Variants in ACOXL observed in about 807,000 individuals in gnomAD.
ACOXL encodes acyl-coenzyme A oxidase-like protein.
A neutral mutation model predicts 71.9 loss-of-function variants in ACOXL; 70 were observed. The observed-to-expected ratio is 0.97, with a 90% confidence interval of 0.80 to 1.19. ACOXL has a LOEUF of 1.19. ACOXL is among the 50% of genes most tolerant of loss of function. The pLI is 0.00. For missense variants in ACOXL, 703 were observed against 736.3 expected (o/e 0.95, Z 0.52); for synonymous variants, 253 against 281.6 (o/e 0.90, Z 1.02).
At position 110,768,268 on chromosome 2, in the gene ACOXL, A is replaced by G. The variant is rs1283679884; in HGVS notation, c.-22-100A>G. On this transcript the variant is annotated intron_variant, in intron 1 of 17. Coordinates refer to ENST00000439055, the MANE Select transcript of ACOXL (RefSeq NM_001142807.4). ...TGCACAGTATCAAACAAGCATTACA[A>G]TGGACACAGCTTTTCTGTCTGAGCC... 5 of 884,720 alleles carry G rather than the reference A, an allele frequency of 5.7e-6. No homozygotes were observed. In the Admixed American group the frequency reaches 5.9e-5, roughly 10 times the overall value. 54.8% of individuals were successfully genotyped at this position (884,720 alleles called of 1,614,324 possible). A position where few individuals can be genotyped will look rare whatever the true frequency, so the allele number is the denominator to read the frequency against.
Position 110,888,842 on chromosome 2 carries a change from A to G in ACOXL, c.789-19947A>G, listed in dbSNP as rs17041611. Among the ~76,000 whole-genome samples, 429 of 152,324 alleles carry G rather than the reference A, an allele frequency of 2.8e-3. 1 individual carries two copies. Among genetic ancestry groups the G allele is most frequent in the Middle Eastern group, 0.014 (4 of 294 alleles). ...AGATTCAAATTATAATGGAACTTGAAAGAAGTTTTTAGTGTCTGGGGTAAA... is the reference window on the plus strand; with the variant it reads ...AGATTCAAATTATAATGGAACTTGAGAGAAGTTTTTAGTGTCTGGGGTAAA... On this transcript the variant is annotated intron_variant, in intron 10 of 17. Transcript: ENST00000439055.
intron 11 of ACOXL, among the ~76,000 whole-genome samples, chr2:110,931,666 T>A (rs2060484078): frequency 6.6e-6 from 1 of 152,198 alleles, no homozygotes; most frequent in South Asian, 2.1e-4. Flanking sequence ...CCAACAACTC[T>A]ATGAAATAGG....
In ACOXL at chr2:110,940,424, G is replaced by A. The variant is rs527712746; in HGVS notation, c.1059+6782G>A. On this transcript the variant is annotated intron_variant, in intron 12 of 17. Coordinates refer to ENST00000439055, the MANE Select transcript of ACOXL (RefSeq NM_001142807.4). ...GTTGAGACCAAAATATGATCATTTAGTTTTCACTGGAATGTTATTAATTTG... is the reference window on the plus strand; with the variant it reads ...GTTGAGACCAAAATATGATCATTTAATTTTCACTGGAATGTTATTAATTTG... Among the ~76,000 whole-genome samples the A allele has an allele frequency of 3.3e-5, 5 of 152,286 alleles. No homozygotes were observed. In the South Asian group the frequency reaches 1.0e-3, roughly 32 times the overall value.
intron 14 of ACOXL, among the ~76,000 whole-genome samples, chr2:111,015,137 A>G (rs1240161459): frequency 6.6e-6 from 1 of 152,232 alleles, no homozygotes; most frequent in Non-Finnish European, 1.5e-5. Flanking sequence ...CCAAAAGTGA[A>G]CATTTTTCTT....
At chr2:110,933,692 A>G in intron 12 of ACOXL, 50 bp downstream of exon 12, 1 of 1,561,114 alleles carries the variant, frequency 6.4e-7, no homozygotes, top group South Asian at 1.2e-5. Context: ...TACAACCCAC[A>G]CTGGGGGAGC....
intron 12 of ACOXL, among the ~76,000 whole-genome samples, chr2:110,937,391 G>A (rs1453779090): frequency 6.6e-6 from 1 of 152,066 alleles, no homozygotes; most frequent in Non-Finnish European, 1.5e-5. Flanking sequence ...CTATCACTCA[G>A]GAAATAAAAA....
At chr2:110,889,578 A>G (rs747563091) in intron 10 of ACOXL, among the ~76,000 whole-genome samples, 3 of 152,192 alleles carry the variant, frequency 2.0e-5, no homozygotes, top group Non-Finnish European at 4.4e-5. Flanking sequence ...TTTCATTTTA[A>G]TAAAATCATA....
rs530792806 is a variant in ACOXL, at chr2:110,780,730, G to T, written c.76-4002G>T. Among the ~76,000 whole-genome samples, 327 of 152,238 alleles carry T rather than the reference G, an allele frequency of 2.1e-3. 4 individuals are homozygous for T. Among genetic ancestry groups the T allele is most frequent in the Non-Finnish European group, 1.4e-3 (98 of 68,012 alleles). On this transcript the variant is annotated intron_variant, in intron 2 of 17. Transcript: ENST00000439055. Reference sequence around the variant, plus strand: ...AGAACAAGCCAAACTAGTGGATGGTGATACAAAAAGAAGTGTTAGGCTGGG... The same window carrying T: ...AGAACAAGCCAAACTAGTGGATGGTTATACAAAAAGAAGTGTTAGGCTGGG...
chr2:110,933,356 C>T, intron 11 of ACOXL, 133 bp from the exon 12 acceptor site: 1 of 1,119,652 alleles, frequency 8.9e-7, no homozygotes, highest in Non-Finnish European at 1.2e-6. Context: ...TGACTATCTA[C>T]AGTTTAAAAT....
chr2:110,798,459 T>C (rs1342735740), intron 5 of ACOXL, 151 bp from the exon 6 acceptor site: 2 of 568,860 alleles, frequency 3.5e-6, no homozygotes, highest in Non-Finnish European at 6.4e-6. Context: ...GGTTTCACCA[T>C]GTTAGCCAGG....
At chr2:110,734,599 C>T (rs895102836) in intron 1 of ACOXL, among the ~76,000 whole-genome samples, 5 of 152,066 alleles carry the variant, frequency 3.3e-5, no homozygotes. Flanking sequence ...TGAACGGCTG[C>T]TTTAAGTCAT....
intron 16 of ACOXL, 49 bp from the exon 17 acceptor site, chr2:111,092,816 C>G (rs2068601405): frequency 7.6e-7 from 1 of 1,312,512 alleles, no homozygotes; most frequent in Non-Finnish European, 1.1e-6. Flanking sequence ...TTTGTGTTTT[C>G]TAATATATTG....
At chr2:110,865,514 A>G (rs904400417) in intron 10 of ACOXL, among the ~76,000 whole-genome samples, 5 of 152,346 alleles carry the variant, frequency 3.3e-5, no homozygotes, top group African/African-American at 7.2e-5. Flanking sequence ...TTTCAAGCCA[A>G]TGAGAAGCAG....
chr2:110,896,668 A>C (rs2059021808), intron 10 of ACOXL, among the ~76,000 whole-genome samples: 1 of 152,214 alleles, frequency 6.6e-6, no homozygotes, highest in African/African-American at 2.4e-5. Flanking sequence ...GGGTCAATCC[A>C]TCAAGAAGAT....
intron 17 of ACOXL, chr2:111,100,952 TTCAG>T (rs1324444396): frequency 6.5e-6 from 1 of 152,796 alleles, no homozygotes; most frequent in Non-Finnish European, 1.5e-5. Flanking sequence ...TTAGTTTCAG[TTCAG>T]TCAATCAAAC....
chr2:110,987,820 A>G (rs2062996839), intron 13 of ACOXL, among the ~76,000 whole-genome samples: 1 of 152,138 alleles, frequency 6.6e-6, no homozygotes, highest in African/African-American at 2.4e-5. Flanking sequence ...CACTGTACTT[A>G]CCCATTCTAA....
intron 11 of ACOXL, among the ~76,000 whole-genome samples, chr2:110,928,970 A>G (rs1192506499): frequency 6.6e-6 from 1 of 152,066 alleles, no homozygotes; most frequent in Non-Finnish European, 1.5e-5. Context: ...AGTCCATTAA[A>G]CCTGTTTTTC....
At chr2:110,746,882 C>T (rs1678295897) in intron 1 of ACOXL, among the ~76,000 whole-genome samples, 1 of 150,190 alleles carries the variant, frequency 6.7e-6, no homozygotes, top group South Asian at 2.1e-4. Flanking sequence ...GCTTACTAGT[C>T]TCCAAAATAG....
chr2:110,916,738 C>G (rs2059874993), intron 11 of ACOXL, among the ~76,000 whole-genome samples: 1 of 152,118 alleles, frequency 6.6e-6, no homozygotes, highest in Non-Finnish European at 1.5e-5. Flanking sequence ...CACCACTGAT[C>G]CCACAGAAAT....
Sources: allele counts gnomAD v4.1 joint callset (sites outside exome capture counted in the v4.1 genomes callset), GRCh38; gene constraint gnomAD v4.1.1; transcripts MANE v1.5; gene names NCBI Gene and HGNC (gene_info 2026-07-23, HGNC 2026-07-21).